The following CREB5 variants were observed in gnomAD, a reference collection of about 807,000 sequenced individuals.
CREB5 encodes the protein cAMP responsive element binding protein 5.
A neutral mutation model predicts 57.1 loss-of-function variants in CREB5; 19 were observed. The observed-to-expected ratio is 0.33, with a 90% CI of 0.23 to 0.49. The LOEUF (loss-of-function observed/expected upper bound fraction) is 0.49, where lower values mean the gene tolerates loss of function less well. Ranked by LOEUF, CREB5 falls within the 20% of genes least tolerant of loss-of-function variation. The pLI is 0.99. For synonymous variants in CREB5, 238 were observed against 238.3 expected (o/e 1.00, Z 0.01); for missense variants, 579 against 671.6 (o/e 0.86, Z 1.52).
At chr7:28,755,913 A>G (rs982296295) in intron 7 of CREB5, among the ~76,000 whole-genome samples, 18 of 151,996 alleles carry the variant, frequency 1.2e-4, no homozygotes, top group African/African-American at 4.3e-4. Flanking sequence ...TCATTCATTT[A>G]GATCAAACCT....
intron 1 of CREB5, among the ~76,000 whole-genome samples, chr7:28,301,967 C>A (rs1356551023): frequency 6.6e-6 from 1 of 152,168 alleles, no homozygotes; most frequent in African/African-American, 2.4e-5. Flanking sequence ...GCTTTGATAT[C>A]TGGAGAGGGT....
chr7:28,662,331 A>G (rs1350552789), intron 5 of CREB5, among the ~76,000 whole-genome samples: 2 of 152,190 alleles, frequency 1.3e-5, no homozygotes, highest in Admixed American at 1.3e-4. Context: ...AGTACCTAAA[A>G]AGATCTAAGG....
chr7:28,339,476 A>G (rs1443534184), intron 1 of CREB5, among the ~76,000 whole-genome samples: 3 of 152,144 alleles, frequency 2.0e-5, no homozygotes, highest in African/African-American at 7.2e-5. Flanking sequence ...CTTTCTCCCA[A>G]GTAAATGGAG....
intron 4 of CREB5, among the ~76,000 whole-genome samples, chr7:28,515,053 A>G (rs1286288835): frequency 1.3e-5 from 2 of 152,254 alleles, no homozygotes; most frequent in Non-Finnish European, 2.9e-5. Context: ...TGGGGATGGT[A>G]ACAATCAAAG....
intron 5 of CREB5, among the ~76,000 whole-genome samples, chr7:28,693,521 T>TA (rs36048926): frequency 2.5e-3 from 340 of 138,314 alleles, no homozygotes; most frequent in East Asian, 6.7e-3. Flanking sequence ...TATCACTGCT[T>TA]AAAAAAAAAA....
chr7:28,589,001 G>T (rs902227719), intron 5 of CREB5, among the ~76,000 whole-genome samples: 1 of 152,098 alleles, frequency 6.6e-6, no homozygotes, highest in African/African-American at 2.4e-5. Context: ...GTCAGAAAAC[G>T]AGCAGCTTAG....
chr7:28,524,901 G>A (rs952384788), intron 4 of CREB5, among the ~76,000 whole-genome samples: 2 of 152,134 alleles, frequency 1.3e-5, no homozygotes, highest in Admixed American at 1.3e-4. Flanking sequence ...ACCATACTGT[G>A]CTATTAAACA....
In CREB5 at chr7:28,717,438, T is replaced by C. The variant is rs575189966; in HGVS notation, c.465-1315T>C. On this transcript the variant is annotated intron_variant, in intron 5 of 10. Coordinates refer to ENST00000357727, the MANE Select transcript of CREB5 (RefSeq NM_182898.4). ...GGCAAAAAGAGTGGAAAACTTTATC[T>C]TCTTTGAAATTGCAACAGGCATGTG... is the stretch of plus-strand genomic sequence containing the variant. 8.5e-5 allele frequency among the ~76,000 whole-genome samples: 13 copies of C among 152,328 alleles called. No individual in the cohort carries two copies. The South Asian group carries it at 2.7e-3, about 32-fold the overall frequency.
intron 1 of CREB5, among the ~76,000 whole-genome samples, chr7:28,312,480 T>C (rs1271468691): frequency 6.6e-6 from 1 of 152,048 alleles, no homozygotes; most frequent in African/African-American, 2.4e-5. Flanking sequence ...TGGGAGACCA[T>C]GGACATGCAG....
intron 4 of CREB5, among the ~76,000 whole-genome samples, chr7:28,544,122 T>A (rs1046039969): frequency 6.6e-6 from 1 of 152,082 alleles, no homozygotes; most frequent in Non-Finnish European, 1.5e-5. Flanking sequence ...TTTATTGTTG[T>A]CCCATAGATT....
chr7:28,364,585 AC>A (rs780965776), intron 1 of CREB5, among the ~76,000 whole-genome samples: 4 of 151,796 alleles, frequency 2.6e-5, no homozygotes, highest in Admixed American at 6.6e-5. Flanking sequence ...CATGCTCCAG[AC>A]CCCCTCCAGT....
chr7:28,486,354 G>C (rs1000531272), intron 1 of CREB5, among the ~76,000 whole-genome samples: 3 of 151,810 alleles, frequency 2.0e-5, no homozygotes, highest in Admixed American at 6.6e-5. Context: ...AATTGGTTTT[G>C]GTTGAAAGAT....
At chr7:28,316,079 C>T (rs903901972) in intron 1 of CREB5, among the ~76,000 whole-genome samples, 2 of 152,158 alleles carry the variant, frequency 1.3e-5, no homozygotes, top group East Asian at 1.9e-4. Flanking sequence ...GAGTAGAAAA[C>T]AGGCCGGGGA....
chr7:28,644,696 T>TAA (rs1214495909), intron 5 of CREB5, among the ~76,000 whole-genome samples: 1 of 152,124 alleles, frequency 6.6e-6, no homozygotes, highest in Non-Finnish European at 1.5e-5. Context: ...GAAAGACAAA[T>TAA]AAAAACCAGA....
At chr7:28,339,039 T>A (rs1785881863) in intron 1 of CREB5, among the ~76,000 whole-genome samples, 1 of 152,106 alleles carries the variant, frequency 6.6e-6, no homozygotes, top group South Asian at 2.1e-4. Flanking sequence ...TGTCTTGAAT[T>A]TCTTTGAGTT....
intron 1 of CREB5, among the ~76,000 whole-genome samples, chr7:28,421,823 C>CAT (rs140322574): frequency 0.88 from 126,451 of 143,228 alleles, 56,260 homozygotes; most frequent in East Asian, 0.98. Context: ...ATATAGTGTG[C>CAT]ATATATATAT....
At chr7:28,431,187 A>T (rs751867790) in intron 1 of CREB5, among the ~76,000 whole-genome samples, 6 of 152,214 alleles carry the variant, frequency 3.9e-5, no homozygotes, top group Admixed American at 6.5e-5. Context: ...CATTTGCCAT[A>T]TTCTATTCAT....
chr7:28,606,015 A>T (rs1468865176), intron 5 of CREB5, among the ~76,000 whole-genome samples: 1 of 152,194 alleles, frequency 6.6e-6, no homozygotes, highest in Non-Finnish European at 1.5e-5. Flanking sequence ...ATTTCACTAT[A>T]TGCAATTTTA....
intron 1 of CREB5, among the ~76,000 whole-genome samples, chr7:28,359,225 A>T (rs1237645300): frequency 3.1e-5 from 2 of 63,798 alleles, no homozygotes; most frequent in Non-Finnish European, 6.5e-5. Context: ...CAAAACAAAT[A>T]AAAAAAAAAA....
Sources: gnomAD v4.1 joint callset for allele counts (sites outside exome capture counted in the v4.1 genomes callset) on GRCh38, gnomAD v4.1.1 for gene constraint, MANE v1.5 for transcripts, NCBI Gene and HGNC (gene_info 2026-07-23, HGNC 2026-07-21) for gene names.